The following USH2A variants were observed in gnomAD, a reference collection of about 807,000 sequenced individuals.
The protein encoded by USH2A is usherin, also known as Usher syndrome 2A (autosomal recessive, mild).
USH2A carries 443 observed loss-of-function variants against 538.9 expected under a neutral mutation model. The ratio of observed to expected loss-of-function variants is 0.82; its 90% CI spans 0.76 to 0.89. The LOEUF (loss-of-function observed/expected upper bound fraction) is 0.89, where lower values mean the gene tolerates loss of function less well. USH2A is among the 40% of genes least tolerant of loss of function. USH2A has a pLI of 0.00. For missense variants in USH2A, 6,633 were observed against 6,324.8 expected (o/e 1.05, Z -1.65); for synonymous variants, 2,413 against 2,273.5 (o/e 1.06, Z -1.75).
chr1:215,768,097 A>T (rs1661182810), intron 55 of USH2A, among the ~76,000 whole-genome samples: 1 of 152,134 alleles, frequency 6.6e-6, no homozygotes, highest in Non-Finnish European at 1.5e-5. Flanking sequence ...TTGTCTATTT[A>T]TGCAGATTTC....
intron 37 of USH2A, among the ~76,000 whole-genome samples, chr1:215,962,949 TG>T (rs1193884549): frequency 6.6e-6 from 1 of 152,088 alleles, no homozygotes; most frequent in South Asian, 2.1e-4. Context: ...CCCATGAGGG[TG>T]TCTTACAGAC....
At chr1:216,313,563 C>T (rs1301007803) in intron 9 of USH2A, among the ~76,000 whole-genome samples, 15 of 152,176 alleles carry the variant, frequency 9.9e-5, no homozygotes, top group African/African-American at 2.9e-4. Context: ...TTTTATTTAA[C>T]GCAGTAAATT....
rs563981453 is a variant in USH2A at position 216,167,267 on chromosome 1, G to A, written c.4627+7985C>T. 1.2e-4 allele frequency among the ~76,000 whole-genome samples: 19 copies of A among 152,130 alleles called. No homozygotes were observed. Among genetic ancestry groups the A allele is most frequent in the African/African-American group, 2.4e-4 (10 of 41,516 alleles). ...GCCCCACCAGAAATGTCAGGCAACC[G>A]TCAGGTGATAATTGTTACACTATCT... is the stretch of plus-strand genomic sequence containing the variant. On this transcript the variant is annotated intron_variant, in intron 21 of 71. Coordinates refer to ENST00000307340, the MANE Select transcript of USH2A (RefSeq NM_206933.4).
chr1:215,849,614 A>G (rs1489798062), intron 44 of USH2A, among the ~76,000 whole-genome samples: 1 of 152,210 alleles, frequency 6.6e-6, no homozygotes, highest in Non-Finnish European at 1.5e-5. Flanking sequence ...ACTTATGTCT[A>G]CAAACTGAAT....
At chr1:215,706,021 A>T (rs757974195) in intron 61 of USH2A, among the ~76,000 whole-genome samples, 1 of 152,198 alleles carries the variant, frequency 6.6e-6, no homozygotes, top group East Asian at 1.9e-4. Flanking sequence ...AAGCCTTAAA[A>T]CAACCTTATG....
At chr1:216,141,533 C>T (rs2033603663) in intron 21 of USH2A, among the ~76,000 whole-genome samples, 1 of 152,196 alleles carries the variant, frequency 6.6e-6, no homozygotes, top group African/African-American at 2.4e-5. Context: ...TCTTCTCAGA[C>T]TCCATAAGGG....
At chr1:215,641,627 A>C (rs1656688021) in intron 67 of USH2A, among the ~76,000 whole-genome samples, 1 of 152,196 alleles carries the variant, frequency 6.6e-6, no homozygotes, top group Non-Finnish European at 1.5e-5. Flanking sequence ...CAAAATAATC[A>C]ATATATTTGT....
At chr1:216,233,630 CAA>C (rs898635752) in intron 13 of USH2A, among the ~76,000 whole-genome samples, 7 of 151,722 alleles carry the variant, frequency 4.6e-5, no homozygotes, top group African/African-American at 1.7e-4. Flanking sequence ...AGTACACACA[CAA>C]AAAAAGCCTG....
chr1:215,663,861 AT>A (rs1462348575), intron 64 of USH2A, among the ~76,000 whole-genome samples: 1 of 152,162 alleles, frequency 6.6e-6, no homozygotes, highest in Non-Finnish European at 1.5e-5. Context: ...TGCTATATCT[AT>A]TCACATTTTA....
intron 47 of USH2A, among the ~76,000 whole-genome samples, chr1:215,828,024 C>T (rs11120651): frequency 0.39 from 59,392 of 151,952 alleles, 11,978 homozygotes; most frequent in Admixed American, 0.52. Flanking sequence ...TCCCTGATAT[C>T]TAATGTCATA....
intron 38 of USH2A, among the ~76,000 whole-genome samples, chr1:215,929,547 G>T (rs1008783674): frequency 1.3e-5 from 2 of 151,948 alleles, no homozygotes; most frequent in African/African-American, 2.4e-5. Flanking sequence ...TGAAAGACAG[G>T]TTTTTTTACT....
chr1:216,376,660 A>G (rs2038826848), intron 3 of USH2A, among the ~76,000 whole-genome samples: 1 of 152,184 alleles, frequency 6.6e-6, no homozygotes, highest in Admixed American at 6.5e-5. Flanking sequence ...AATAGTGGTC[A>G]TTGGATTTCT....
intron 46 of USH2A, among the ~76,000 whole-genome samples, chr1:215,839,962 A>G (rs1663629603): frequency 6.6e-6 from 1 of 151,974 alleles, no homozygotes; most frequent in Admixed American, 6.6e-5. Context: ...GTTTGATACC[A>G]GCCTGGTCAA....
rs558988589 is a variant in USH2A, at chr1:215,971,126, T to G, written c.6806-350A>C. 2.5e-4 allele frequency among the ~76,000 whole-genome samples: 38 copies of G among 152,310 alleles called. No homozygotes were observed. The South Asian group carries it at 7.9e-3, about 32-fold the overall frequency. ...TATTGCTTTCTAAAAGAAGATATTC[T>G]TAATAGATATGCCCCAGAAGTAAAT... On this transcript the variant is annotated intron_variant, in intron 35 of 71. Transcript: ENST00000307340.
intron 34 of USH2A, among the ~76,000 whole-genome samples, chr1:215,996,558 A>ATGTTTTTTTTTTT (rs1668144354): frequency 2.2e-5 from 1 of 46,070 alleles, no homozygotes. Flanking sequence ...GCAACATATT[A>ATGTTTTTTTTTTT]TGTTTTTTTT....
chr1:216,001,024 G>A (rs563984845), intron 32 of USH2A, among the ~76,000 whole-genome samples: 3 of 152,108 alleles, frequency 2.0e-5, no homozygotes, highest in Non-Finnish European at 4.4e-5. Flanking sequence ...TCCACCACCT[G>A]ACTATTATTT....
intron 32 of USH2A, among the ~76,000 whole-genome samples, chr1:216,037,598 T>C (rs2030046758): frequency 6.6e-6 from 1 of 152,128 alleles, no homozygotes; most frequent in Non-Finnish European, 1.5e-5. Context: ...CTGTTTAAAA[T>C]TTCCATTGAA....
intron 32 of USH2A, among the ~76,000 whole-genome samples, chr1:216,009,144 C>T (rs1668481189): frequency 6.6e-6 from 1 of 151,914 alleles, no homozygotes; most frequent in African/African-American, 2.4e-5. Context: ...TGCCCCAATC[C>T]CTTATTTCCA....
intron 12 of USH2A, 54 bp downstream of exon 12, chr1:216,250,849 T>C: frequency 6.3e-7 from 1 of 1,581,790 alleles, no homozygotes; most frequent in Non-Finnish European, 8.6e-7. Context: ...AAATAGAGAA[T>C]TTTATTCCAG....
Sources: allele counts gnomAD v4.1 joint callset (sites outside exome capture counted in the v4.1 genomes callset), GRCh38; gene constraint gnomAD v4.1.1; transcripts MANE v1.5; gene names NCBI Gene and HGNC (gene_info 2026-07-23, HGNC 2026-07-21).